Variants in MAGI1 observed in about 807,000 individuals in gnomAD.
The protein encoded by MAGI1 is membrane associated guanylate kinase, WW and PDZ domain containing 1.
MAGI1 carries 58 observed loss-of-function variants against 139.9 expected under a neutral mutation model. The ratio of observed to expected loss-of-function variants is 0.41; its 90% CI spans 0.34 to 0.52. The LOEUF is 0.52. Ranked by LOEUF, MAGI1 falls within the 20% of genes least tolerant of loss-of-function variation. MAGI1 has a pLI of 0.12. For missense variants in MAGI1, 1,874 were observed against 1,901.6 expected (o/e 0.99, Z 0.27); for synonymous variants, 812 against 737.9 (o/e 1.10, Z -1.63).
At chr3:65,509,514 T>C (rs1326310687) in intron 2 of MAGI1, among the ~76,000 whole-genome samples, 1 of 151,882 alleles carries the variant, frequency 6.6e-6, no homozygotes, top group Non-Finnish European at 1.5e-5. Flanking sequence ...GGCCAGGGAG[T>C]TCCCTTTCCG....
In MAGI1 at chr3:65,356,460, T is replaced by C. The variant is rs201195412; in HGVS notation, c.4307A>G (p.Gln1436Arg). ...HREREEANLK[Q>R]DAGRSSRHPP... is the part of the protein sequence containing the mutation. The stretch of plus-strand genomic sequence containing the variant: ...ATGTCTGGAACTTCTGCCGGCATCC[T>C]GTTTCAGATTCGCCTCTTCCCTTTC... The change falls in exon 23 of 23, where the codon CAG becomes CGG. Residue 1436 changes from glutamine to arginine, a missense_variant. Transcript: ENST00000402939. The C allele has an allele frequency of 8.9e-4, 1,435 of 1,612,080 alleles. 1 individual carries two copies. The highest frequency in any genetic ancestry group is 1.1e-3 in the Non-Finnish European group (1,295 of 1,179,946).
intron 1 of MAGI1, among the ~76,000 whole-genome samples, chr3:65,719,097 A>G (rs2032663742): frequency 6.6e-6 from 1 of 152,016 alleles, no homozygotes; most frequent in African/African-American, 2.4e-5. Flanking sequence ...CATTTGAAAA[A>G]TAACTTTTTA....
intron 2 of MAGI1, among the ~76,000 whole-genome samples, chr3:65,568,958 G>A (rs1213591359): frequency 6.6e-6 from 1 of 152,178 alleles, no homozygotes; most frequent in East Asian, 1.9e-4. Context: ...AGCAGCCCAT[G>A]TGCTAAATCC....
In MAGI1 at chr3:65,356,698, G is replaced by A. The variant is rs745880197; in HGVS notation, c.4069C>T (p.Arg1357Trp). Residue 1357 changes from arginine to tryptophan, a missense_variant, in exon 23 of 23, where the codon CGG becomes TGG. Physicochemically the swap from Arg to Trp is moderately radical, Grantham distance 101 (BLOSUM62 -3). Around this residue, in one of 5 missense-constraint regions of MAGI1, gnomAD observed 653 missense variants for 644.5 expected, o/e 1.01. Transcript: ENST00000402939. ...RDVSPERRRE[R>W]SPTRRRDGSP... Reference sequence around the variant, plus strand: ...CCGTCTCTCCTGCGGGTGGGTGACCGCTCTCGCCTCCGCTCCGGAGAGACG... The same window carrying A: ...CCGTCTCTCCTGCGGGTGGGTGACCACTCTCGCCTCCGCTCCGGAGAGACG... 1.9e-6 allele frequency: 3 copies of A among 1,593,090 alleles called. No homozygotes were observed. Among genetic ancestry groups the A allele is most frequent in the East Asian group, 2.2e-5 (1 of 44,670 alleles).
intron 5 of MAGI1, among the ~76,000 whole-genome samples, chr3:65,465,851 A>G (rs1950133009): frequency 6.6e-6 from 1 of 152,198 alleles, no homozygotes; most frequent in Admixed American, 6.5e-5. Context: ...CTCCAATGAA[A>G]TAAATGTTAG....
chr3:65,661,678 T>A (rs953188544), intron 1 of MAGI1, among the ~76,000 whole-genome samples: 3 of 152,096 alleles, frequency 2.0e-5, no homozygotes, highest in Admixed American at 6.6e-5. Flanking sequence ...CTGGCACTAG[T>A]GTTACCTGTT....
intron 1 of MAGI1, among the ~76,000 whole-genome samples, chr3:65,856,045 A>G (rs1229044874): frequency 6.6e-6 from 1 of 152,116 alleles, no homozygotes; most frequent in East Asian, 1.9e-4. Context: ...GCTTTGCCCT[A>G]TATGATTGCT....
At chr3:66,029,405 T>A (rs1392061214) in intron 1 of MAGI1, among the ~76,000 whole-genome samples, 1 of 152,156 alleles carries the variant, frequency 6.6e-6, no homozygotes, top group African/African-American at 2.4e-5. Flanking sequence ...CTGTGGCCCA[T>A]TAAACAGACA....
In MAGI1 at chr3:65,999,429, C is replaced by T. The variant is rs2066623643; in HGVS notation, c.313+38567G>A. ...AAGCATATGCAATATCAAAATTTCA[C>T]ATGTATAAATGATTATGACCTACCG... On this transcript the variant is annotated intron_variant, in intron 1 of 22. Transcript: ENST00000402939. Among the ~76,000 whole-genome samples the T allele has an allele frequency of 3.9e-5, 6 of 152,076 alleles. No individual in the cohort carries two copies. In the South Asian group the frequency reaches 1.2e-3, roughly 32 times the overall value.
chr3:66,024,315 T>TAAAAAAAAAAAAAAAAAA (rs34593257), intron 1 of MAGI1, among the ~76,000 whole-genome samples: 1 of 95,778 alleles, frequency 1.0e-5, no homozygotes, highest in Non-Finnish European at 2.0e-5. Context: ...CAAAGTTCAT[T>TAAAAAAAAAAAAAAAAAA]AAAAAAAAAA....
chr3:65,764,378 C>A (rs900193869), intron 1 of MAGI1, among the ~76,000 whole-genome samples: 2 of 152,298 alleles, frequency 1.3e-5, no homozygotes, highest in Admixed American at 1.3e-4. Flanking sequence ...CCCTCTCCCC[C>A]ACTATTCAAA....
At chr3:65,481,084 G>A (rs952315796) in intron 3 of MAGI1, among the ~76,000 whole-genome samples, 3 of 152,130 alleles carry the variant, frequency 2.0e-5, no homozygotes, top group Admixed American at 6.5e-5. Context: ...AGGGTGCCAG[G>A]TAGAAACCTG....
chr3:65,516,041 TA>T (rs1177452023), intron 2 of MAGI1, among the ~76,000 whole-genome samples: 1 of 152,158 alleles, frequency 6.6e-6, no homozygotes, highest in Non-Finnish European at 1.5e-5. Flanking sequence ...CTGGGTCCTT[TA>T]AAAAGTGTAA....
At chr3:65,445,947 A>C (rs1948649544) in intron 7 of MAGI1, among the ~76,000 whole-genome samples, 1 of 152,212 alleles carries the variant, frequency 6.6e-6, no homozygotes, top group South Asian at 2.1e-4. Flanking sequence ...GAAAATGAGC[A>C]GTGAGCTTGT....
chr3:65,849,498 CATAT>C (rs10611224), intron 1 of MAGI1, among the ~76,000 whole-genome samples: 7 of 141,106 alleles, frequency 5.0e-5, no homozygotes, highest in Non-Finnish European at 1.1e-4. Context: ...ATCAAATATA[CATAT>C]ATATATATCA....
intron 2 of MAGI1, among the ~76,000 whole-genome samples, chr3:65,589,947 G>C (rs866743312): frequency 6.6e-6 from 1 of 152,006 alleles, no homozygotes; most frequent in Middle Eastern, 3.2e-3. Flanking sequence ...CCATCCCCGA[G>C]TCTGTGTCTC....
chr3:65,974,878 G>A (rs926095343), intron 1 of MAGI1, among the ~76,000 whole-genome samples: 1 of 152,156 alleles, frequency 6.6e-6, no homozygotes, highest in African/African-American at 2.4e-5. Context: ...TCACAGACCT[G>A]GGAACAGACT....
chr3:66,005,684 T>C (rs1255788876), intron 1 of MAGI1, among the ~76,000 whole-genome samples: 8 of 151,872 alleles, frequency 5.3e-5, no homozygotes, highest in Admixed American at 3.9e-4. Context: ...GAGAAGAAAA[T>C]AGCTGAAGGA....
At chr3:65,656,926 G>A (rs1358764828) in intron 1 of MAGI1, among the ~76,000 whole-genome samples, 1 of 133,226 alleles carries the variant, frequency 7.5e-6, no homozygotes, top group East Asian at 2.3e-4. Context: ...TGAACAGTGA[G>A]CCAAGATCAC....
Sources: gnomAD v4.1 joint callset for allele counts (sites outside exome capture counted in the v4.1 genomes callset) on GRCh38, gnomAD v4.1.1 for gene constraint, gnomAD v4.1.1 regional missense constraint, MANE v1.5 for transcripts, NCBI Gene and HGNC (gene_info 2026-07-23, HGNC 2026-07-21) for gene names.